Variants in ST18 observed in about 807,000 individuals in gnomAD.
ST18 encodes the protein suppression of tumorigenicity 18 protein.
In ST18, 50 loss-of-function variants were observed where a neutral mutation model predicts 110.0. The observed-to-expected ratio is 0.45, with a 90% confidence interval of 0.36 to 0.58. The LOEUF (loss-of-function observed/expected upper bound fraction) is 0.58. Among genes scored for constraint, ST18 ranks in the 20% least tolerant of loss-of-function variants. ST18 has a pLI of 0.00. For synonymous variants in ST18, 461 were observed against 452.4 expected (o/e 1.02, Z -0.24); for missense variants, 1,306 against 1,280.1 (o/e 1.02, Z -0.31).
intron 14 of ST18, 62 bp from the exon 15 acceptor site, chr8:52,159,171 GT>G (rs898859365): frequency 1.0e-5 from 15 of 1,489,040 alleles, no homozygotes; most frequent in Middle Eastern, 1.8e-4. Context: ...AAACAGATTT[GT>G]TTTTTTTAAA....
chr8:52,334,715 A>C (rs1811240665), intron 2 of ST18, among the ~76,000 whole-genome samples: 1 of 152,196 alleles, frequency 6.6e-6, no homozygotes, highest in African/African-American at 2.4e-5. Context: ...GTGAAAAAAA[A>C]AATGTTTTCC....
chr8:52,385,732 AAAG>A (rs1332767087), intron 2 of ST18, among the ~76,000 whole-genome samples: 1 of 152,120 alleles, frequency 6.6e-6, no homozygotes, highest in Non-Finnish European at 1.5e-5. Flanking sequence ...AAAAAAAAAA[AAAG>A]ACTTTTCCAG....
intron 2 of ST18, among the ~76,000 whole-genome samples, chr8:52,295,431 T>C (rs547665852): frequency 5.2e-4 from 79 of 152,270 alleles, no homozygotes; most frequent in African/African-American, 1.6e-3. Context: ...AGTAATAAAC[T>C]ACTCCAGAGC....
chr8:52,169,864 A>C (rs1408985302), intron 10 of ST18, among the ~76,000 whole-genome samples: 1 of 152,196 alleles, frequency 6.6e-6, no homozygotes, highest in Non-Finnish European at 1.5e-5. Context: ...ACTAGGATAT[A>C]CCGCTGAGTC....
At chr8:52,188,582 G>C (rs1393269501) in intron 8 of ST18, among the ~76,000 whole-genome samples, 3 of 152,218 alleles carry the variant, frequency 2.0e-5, no homozygotes, top group Non-Finnish European at 4.4e-5. Flanking sequence ...TGTTTTGATA[G>C]AGTGACGGGC....
rs545703786 is a variant in ST18 at position 52,372,760 on chromosome 8, G to A, written c.-465+36568C>T. Among the ~76,000 whole-genome samples the A allele has an allele frequency of 7.9e-5, 12 of 152,318 alleles. No individual in the cohort carries two copies. The South Asian group carries it at 2.3e-3, about 29-fold the overall frequency. ...AGTAGGCTGTACCATCTGGGTCTGT[G>A]TAAGTACACTCTATGATGTTTGCAC... On this transcript the variant is annotated intron_variant, in intron 2 of 25. Transcript: ENST00000689386.
intron 2 of ST18, among the ~76,000 whole-genome samples, chr8:52,335,353 C>G (rs1000941748): frequency 1.3e-5 from 2 of 152,164 alleles, no homozygotes; most frequent in Non-Finnish European, 2.9e-5. Flanking sequence ...GGATCCACCA[C>G]CAATCCTCTC....
At chr8:52,180,459 A>T in intron 8 of ST18, 147 bp from the exon 9 acceptor site, 1 of 769,274 alleles carries the variant, frequency 1.3e-6, no homozygotes, top group South Asian at 1.8e-5. Context: ...AAAACATCCC[A>T]TCTGTGGACT....
rs1196154700 is a variant in ST18 at position 52,180,301 on chromosome 8, T to G, written c.98A>C (p.Asp33Ala). The change falls in exon 9 of 26, where the codon GAT (aspartate) becomes GCT (alanine). Residue 33 changes from aspartate to alanine, a missense_variant. By Grantham distance (126) the Asp-to-Ala change is moderately radical. Coordinates refer to ENST00000689386, the MANE Select transcript of ST18 (RefSeq NM_001352837.2). ...TGTTCTCTTCTTTGCCATGGAGCAATCATAGGCAACACTGTAGTGATTGAG... is the reference window on the plus strand; with the variant it reads ...TGTTCTCTTCTTTGCCATGGAGCAAGCATAGGCAACACTGTAGTGATTGAG... ...SLIQELSVAYDCSMAKKRTAE... is the reference protein window; with the variant it reads ...SLIQELSVAYACSMAKKRTAE... 6.2e-7 allele frequency: 1 copy of G among 1,614,146 alleles called. No homozygotes were observed.
chr8:52,207,873 C>T (rs772283281), intron 8 of ST18, among the ~76,000 whole-genome samples: 39 of 152,080 alleles, frequency 2.6e-4, no homozygotes, highest in African/African-American at 7.0e-4. Context: ...AGACAATTAC[C>T]AATATTAGTA....
At chr8:52,165,364 AAC>A in intron 11 of ST18, 139 bp from the exon 12 acceptor site, 1 of 778,290 alleles carries the variant, frequency 1.3e-6, no homozygotes, top group Non-Finnish European at 2.1e-6. Context: ...TTCAGACACA[AAC>A]AAGTGAGCAT....
chr8:52,305,146 T>C (rs1412053084), intron 2 of ST18, among the ~76,000 whole-genome samples: 1 of 152,182 alleles, frequency 6.6e-6, no homozygotes, highest in Non-Finnish European at 1.5e-5. Context: ...CTTAGTCCAA[T>C]GTAGCATAAG....
At chr8:52,273,430 C>T (rs1272453423) in intron 2 of ST18, among the ~76,000 whole-genome samples, 2 of 152,222 alleles carry the variant, frequency 1.3e-5, no homozygotes, top group East Asian at 3.9e-4. Context: ...CCTGAGAGCC[C>T]CCAGACCCCC....
chr8:52,208,688 T>A (rs529591782), intron 8 of ST18, among the ~76,000 whole-genome samples: 22 of 152,038 alleles, frequency 1.4e-4, no homozygotes, highest in African/African-American at 5.3e-4. Flanking sequence ...TAGCCGGGCG[T>A]GGTGGTGCAG....
At chr8:52,305,695 C>T (rs1296433919) in intron 2 of ST18, among the ~76,000 whole-genome samples, 1 of 152,196 alleles carries the variant, frequency 6.6e-6, no homozygotes. Flanking sequence ...TCACTCACCG[C>T]ATCCGGTGTA....
At chr8:52,138,032 G>A (rs73583988) in intron 17 of ST18, among the ~76,000 whole-genome samples, 2,911 of 149,756 alleles carry the variant, frequency 0.019, 107 homozygotes, top group African/African-American at 0.069. Flanking sequence ...CTCAGGAGGC[G>A]GACATTGTGG....
At chr8:52,209,770 CAA>C (rs1172620781) in intron 8 of ST18, among the ~76,000 whole-genome samples, 2,723 of 71,610 alleles carry the variant, frequency 0.038, 104 homozygotes, top group African/African-American at 0.11. Flanking sequence ...AACTCCATCT[CAA>C]AAAAAAAAAA....
intron 2 of ST18, among the ~76,000 whole-genome samples, chr8:52,287,787 T>G (rs1412753103): frequency 6.6e-6 from 1 of 152,178 alleles, no homozygotes; most frequent in Non-Finnish European, 1.5e-5. Flanking sequence ...AAGAGGCATT[T>G]TTAAAAATGC....
At chr8:52,170,447 A>AAAATAAAT (rs369581987) in intron 10 of ST18, among the ~76,000 whole-genome samples, 99 of 140,062 alleles carry the variant, frequency 7.1e-4, no homozygotes, top group Admixed American at 1.6e-3. Context: ...GCAAAACTCA[A>AAAATAAAT]AAATCAATAA....
Sources: gnomAD v4.1 joint callset for allele counts (sites outside exome capture counted in the v4.1 genomes callset) on GRCh38, gnomAD v4.1.1 for gene constraint, MANE v1.5 for transcripts, NCBI Gene and HGNC (gene_info 2026-07-23, HGNC 2026-07-21) for gene names.